The following MAP2 variants were observed in gnomAD, a reference collection of about 807,000 sequenced individuals.
MAP2 encodes microtubule-associated protein 2.
Under a neutral mutation model 137.6 loss-of-function variants are expected in MAP2, and 14 were observed. The observed-to-expected ratio is 0.10, with a 90% CI of 0.07 to 0.16. MAP2 has a LOEUF of 0.16. Among genes scored for constraint, MAP2 ranks in the 10% least tolerant of loss-of-function variants. MAP2 has a pLI of 1.00. For synonymous variants in MAP2, 786 were observed against 782.3 expected (o/e 1.00, Z -0.08); for missense variants, 2,088 against 2,191.5 (o/e 0.95, Z 0.94).
intron 2 of MAP2, among the ~76,000 whole-genome samples, chr2:209,508,186 T>A (rs985146589): frequency 2.0e-5 from 3 of 152,026 alleles, no homozygotes; most frequent in Non-Finnish European, 2.9e-5. Context: ...TTAACTGAGT[T>A]TAGAGTAGTA....
intron 7 of MAP2, among the ~76,000 whole-genome samples, chr2:209,683,633 A>G (rs1314440722): frequency 1.3e-5 from 2 of 152,212 alleles, no homozygotes; most frequent in Non-Finnish European, 2.9e-5. Context: ...AGTAGTTTGT[A>G]AATACTCAGC....
At chr2:209,650,390 C>T (rs1174224569) in intron 4 of MAP2, among the ~76,000 whole-genome samples, 1 of 152,142 alleles carries the variant, frequency 6.6e-6, no homozygotes, top group Non-Finnish European at 1.5e-5. Context: ...TGTTCCTACC[C>T]ACGTAGCTTA....
At chr2:209,523,424 C>G (rs1401205543) in intron 2 of MAP2, among the ~76,000 whole-genome samples, 1 of 152,122 alleles carries the variant, frequency 6.6e-6, no homozygotes, top group Non-Finnish European at 1.5e-5. Context: ...ATTGCTGTTA[C>G]TATTCCAGCG....
chr2:209,592,651 A>G (rs1035263890), intron 3 of MAP2, among the ~76,000 whole-genome samples: 2 of 152,224 alleles, frequency 1.3e-5, no homozygotes, highest in Admixed American at 1.3e-4. Context: ...GAAATCTGAA[A>G]TAAGTCAGGT....
intron 3 of MAP2, among the ~76,000 whole-genome samples, chr2:209,613,166 C>T (rs1298252214): frequency 6.6e-6 from 1 of 152,090 alleles, no homozygotes; most frequent in Non-Finnish European, 1.5e-5. Flanking sequence ...TCTGTTTATG[C>T]TAACTAGACA....
intron 3 of MAP2, among the ~76,000 whole-genome samples, chr2:209,590,613 G>C (rs567265425): frequency 6.6e-6 from 1 of 152,258 alleles, no homozygotes; most frequent in East Asian, 1.9e-4. Context: ...GAGATTACAG[G>C]TGTCAGCCAC....
At chr2:209,471,274 C>A (rs942357713) in intron 1 of MAP2, among the ~76,000 whole-genome samples, 1 of 152,150 alleles carries the variant, frequency 6.6e-6, no homozygotes, top group South Asian at 2.1e-4. Context: ...CAAACTCCTT[C>A]AGGTTCTTTT....
chr2:209,566,388 T>C (rs2153363125), intron 2 of MAP2, among the ~76,000 whole-genome samples: 1 of 152,306 alleles, frequency 6.6e-6, no homozygotes, highest in African/African-American at 2.4e-5. Context: ...TTAAAACTAC[T>C]CTCATTCAGA....
At chr2:209,482,328 G>A (rs1464246250) in intron 1 of MAP2, among the ~76,000 whole-genome samples, 2 of 152,010 alleles carry the variant, frequency 1.3e-5, no homozygotes, top group African/African-American at 2.4e-5. Flanking sequence ...TAACTGTGCT[G>A]ATTTAAAAAA....
intron 3 of MAP2, among the ~76,000 whole-genome samples, chr2:209,599,338 C>A (rs2082314032): frequency 6.6e-6 from 1 of 151,822 alleles, no homozygotes; most frequent in Non-Finnish European, 1.5e-5. Context: ...ATTGTAGATT[C>A]TGGATATTAG....
At chr2:209,513,221 C>A (rs2061984152) in intron 2 of MAP2, among the ~76,000 whole-genome samples, 1 of 152,116 alleles carries the variant, frequency 6.6e-6, no homozygotes, top group African/African-American at 2.4e-5. Flanking sequence ...GCTTCTTGGT[C>A]AACTTCCAGT....
chr2:209,615,300 A>C (rs2088815998), intron 3 of MAP2, among the ~76,000 whole-genome samples: 1 of 152,174 alleles, frequency 6.6e-6, no homozygotes, highest in Non-Finnish European at 1.5e-5. Context: ...AGTGAGTGAA[A>C]TGCGTTCTTT....
intron 1 of MAP2, among the ~76,000 whole-genome samples, chr2:209,454,410 T>C (rs755495248): frequency 1.3e-5 from 2 of 151,964 alleles, no homozygotes; most frequent in Non-Finnish European, 2.9e-5. Context: ...TCTCTGCTCA[T>C]TGCAACCTCT....
intron 4 of MAP2, among the ~76,000 whole-genome samples, chr2:209,638,519 C>T (rs2093747616): frequency 6.6e-6 from 1 of 152,126 alleles, no homozygotes; most frequent in South Asian, 2.1e-4. Flanking sequence ...TTATATGACT[C>T]ATACGTTACT....
chr2:209,568,808 C>A (rs2073921019), intron 2 of MAP2, among the ~76,000 whole-genome samples: 1 of 151,752 alleles, frequency 6.6e-6, no homozygotes, highest in Non-Finnish European at 1.5e-5. Context: ...AAATTAATGA[C>A]TCTAGAAGAT....
chr2:209,727,226 G>T (rs753281709), intron 14 of MAP2, among the ~76,000 whole-genome samples: 9 of 152,204 alleles, frequency 5.9e-5, no homozygotes, highest in East Asian at 1.9e-4. Flanking sequence ...CAGCAGGAAG[G>T]TTGTCCCATA....
chr2:209,704,429 T>C, intron 11 of MAP2: 1 of 1,590,820 alleles, frequency 6.3e-7, no homozygotes, highest in Non-Finnish European at 8.5e-7. Flanking sequence ...TGTGCTTTTG[T>C]TTGTTTTCTT....
At chr2:209,723,372 G>A (rs1023172579) in intron 13 of MAP2, among the ~76,000 whole-genome samples, 1 of 152,134 alleles carries the variant, frequency 6.6e-6, no homozygotes, top group African/African-American at 2.4e-5. Flanking sequence ...AGTACAGTGG[G>A]ATTTCTTAGC....
intron 1 of MAP2, among the ~76,000 whole-genome samples, chr2:209,504,800 T>G (rs911678788): frequency 1.1e-4 from 17 of 152,114 alleles, no homozygotes; most frequent in African/African-American, 4.1e-4. Flanking sequence ...CCCTTTCCAG[T>G]GTCTCCTTTT....
Sources: allele counts gnomAD v4.1 joint callset (sites outside exome capture counted in the v4.1 genomes callset), GRCh38; gene constraint gnomAD v4.1.1; transcripts MANE v1.5; gene names NCBI Gene and HGNC (gene_info 2026-07-23, HGNC 2026-07-21).